GAK: variants seen among roughly 807,000 people sequenced by gnomAD.
GAK encodes the protein cyclin G associated kinase.
Under a neutral mutation model 143.9 loss-of-function variants are expected in GAK, and 79 were observed. The ratio of observed to expected loss-of-function variants is 0.55; its 90% CI spans 0.46 to 0.66. GAK has a LOEUF of 0.66. Among genes scored for constraint, GAK ranks in the 30% least tolerant of loss-of-function variants. GAK has a pLI of 0.00. For missense variants in GAK, 1,693 were observed against 1,779.7 expected (o/e 0.95, Z 0.88); for synonymous variants, 881 against 765.5 (o/e 1.15, Z -2.49).
intron 14 of GAK, among the ~76,000 whole-genome samples, chr4:882,378 C>T (rs1715315331): frequency 6.6e-6 from 1 of 152,228 alleles, no homozygotes; most frequent in African/African-American, 2.4e-5. Flanking sequence ...CACTAAGCCT[C>T]GAGCTGCAGA....
chr4:929,885 C>T (rs1725396397), intron 1 of GAK, among the ~76,000 whole-genome samples: 1 of 152,164 alleles, frequency 6.6e-6, no homozygotes, highest in South Asian at 2.1e-4. Context: ...CTGACATGAA[C>T]TGATATGGGG....
intron 24 of GAK, 24 bp downstream of exon 24, chr4:859,582 C>A (rs1474975650): frequency 2.5e-6 from 4 of 1,589,140 alleles, no homozygotes; most frequent in Non-Finnish European, 2.6e-6. Flanking sequence ...AGCTTCCACA[C>A]CCCCAAAGTG....
chr4:888,503 G>A, intron 11 of GAK: 1 of 272,454 alleles, frequency 3.7e-6, no homozygotes, highest in South Asian at 4.8e-5. Flanking sequence ...CTGGCTCAGT[G>A]AGGCGCCACC....
At position 882,761 on chromosome 4, in the gene GAK, A is replaced by C. The variant is rs1284003736; in HGVS notation, c.1463T>G (p.Ile488Ser). 6.2e-7 allele frequency: 1 copy of C among 1,612,170 alleles called. No homozygotes were observed. Among genetic ancestry groups the C allele is most frequent in the African/African-American group, 1.3e-5 (1 of 74,916 alleles). ...RAPHLHTLYN[I>S]CRNMHAWLRQ... ...CAGCCAGGCGTGCATGTTCCTGCAGATGTTGTACAGGGTGTGCAGGTGTGG... is the reference window on the plus strand; with the variant it reads ...CAGCCAGGCGTGCATGTTCCTGCAGCTGTTGTACAGGGTGTGCAGGTGTGG... Residue 488 changes from isoleucine to serine, a missense_variant, in exon 14 of 28, where the codon ATC becomes AGC. By Grantham distance (142) the Ile-to-Ser change is moderately radical. This residue lies in a region of GAK where 871 missense variants were observed against 991.0 expected (regional missense o/e 0.88). Coordinates refer to ENST00000314167, the MANE Select transcript of GAK (RefSeq NM_005255.4).
intron 5 of GAK, among the ~76,000 whole-genome samples, chr4:898,941 G>C (rs991748635): frequency 6.6e-6 from 1 of 152,156 alleles, no homozygotes; most frequent in Non-Finnish European, 1.5e-5. Context: ...ACCTTCTGGC[G>C]CAGCTCTGAT....
rs962242807 is a variant in GAK at position 932,241 on chromosome 4, C to T, written c.-54G>A. 2 of 1,471,296 alleles carry T rather than the reference C, an allele frequency of 1.4e-6. No homozygotes were observed. Among genetic ancestry groups the T allele is most frequent in the Non-Finnish European group, 9.0e-7 (1 of 1,116,826 alleles). 91.1% of individuals were successfully genotyped at this position (1,471,296 alleles called of 1,614,324 possible). On this transcript the variant is annotated 5_prime_UTR_variant, in exon 1 of 28. Coordinates refer to ENST00000314167, the MANE Select transcript of GAK (RefSeq NM_005255.4). This position sits in a 1 kb window ranked among gnomAD's most constrained non-coding sequence, Gnocchi z 4.0. ...GCCGGAGTGGTCGGGCTCGGGCTCC[C>T]GCTCCCTCGCCGTCCGGGTCAGCTC...
intron 4 of GAK, among the ~76,000 whole-genome samples, chr4:905,190 T>C (rs1443582145): frequency 1.3e-5 from 2 of 152,196 alleles, no homozygotes; most frequent in African/African-American, 2.4e-5. Context: ...ATTCTGCATC[T>C]GGGCCCTTGA....
intron 1 of GAK, among the ~76,000 whole-genome samples, chr4:924,108 C>T (rs993022835): frequency 5.5e-5 from 8 of 145,816 alleles, no homozygotes; most frequent in African/African-American, 1.8e-4. Context: ...TTGTTTGAAC[C>T]TGGGAGGTGG....
chr4:861,982 C>T (rs955573913), intron 23 of GAK, among the ~76,000 whole-genome samples: 1 of 152,244 alleles, frequency 6.6e-6, no homozygotes, highest in Non-Finnish European at 1.5e-5. Context: ...GTCTCTGCAA[C>T]GTACAAGTGC....
At chr4:865,847 C>T (rs1560302219) in intron 22 of GAK, among the ~76,000 whole-genome samples, 1 of 152,270 alleles carries the variant, frequency 6.6e-6, no homozygotes, top group Non-Finnish European at 1.5e-5. Context: ...GAGGGGCGCG[C>T]AGCCCTCTCC....
intron 4 of GAK, among the ~76,000 whole-genome samples, chr4:907,982 C>T (rs1462905928): frequency 2.6e-5 from 4 of 152,316 alleles, no homozygotes; most frequent in Middle Eastern, 3.4e-3. Flanking sequence ...CCGCTGGCCC[C>T]GGCCCTGTCC....
chr4:877,048 G>A (rs1221953315), intron 17 of GAK, 42 bp downstream of exon 17: 1 of 1,365,310 alleles, frequency 7.3e-7, no homozygotes, highest in South Asian at 1.2e-5. Flanking sequence ...CATGAGCCTA[G>A]GCGTGAGTGG....
intron 1 of GAK, among the ~76,000 whole-genome samples, chr4:921,932 G>A (rs1206644347): frequency 5.3e-5 from 8 of 152,076 alleles, no homozygotes; most frequent in African/African-American, 1.4e-4. Context: ...CCAAGCTATC[G>A]GGAAAATGCA....
In GAK at chr4:865,379, G is replaced by A. The variant is rs57393314; in HGVS notation, c.3044-135C>T. 6.4e-4 allele frequency: 689 copies of A among 1,082,930 alleles called. 3 individuals carry two copies. The African/African-American group carries it at 9.9e-3, about 16-fold the overall frequency. The allele number at this position is 1,082,930 out of a possible 1,614,324, so 67.1% of individuals were successfully genotyped here. ...CAGGCTGAGCTGAGGCTGGGCTGAC[G>A]GCCTCTCTCTTCCTGAAGGGTCCTG... is the stretch of plus-strand genomic sequence containing the variant. On this transcript the variant is annotated intron_variant, in intron 22 of 27. Coordinates refer to ENST00000314167, the MANE Select transcript of GAK (RefSeq NM_005255.4).
At position 877,692 on chromosome 4, in the gene GAK, G is replaced by A. The variant is rs140333372; in HGVS notation, c.1779C>T (p.Ser593=). ...AGACCTCGCAGAAGGGCCTGCAGCC[G>A]CTCCTCTGCTTGCTGAACAGCGGCA... The part of the protein sequence containing the change: ...TPVPLFSKQR[S]GCRPFCEVYV... The change falls in exon 16 of 28, where the codon AGC becomes AGT. Residue 593 remains serine, a synonymous_variant. Coordinates refer to ENST00000314167, the MANE Select transcript of GAK (RefSeq NM_005255.4). The A allele has an allele frequency of 2.2e-5, 36 of 1,612,902 alleles. 1 individual carries two copies. The highest frequency in any genetic ancestry group is 2.7e-5 in the African/African-American group (2 of 74,900).
At chr4:904,987 T>C (rs1290731822) in intron 4 of GAK, among the ~76,000 whole-genome samples, 16 of 152,218 alleles carry the variant, frequency 1.1e-4, no homozygotes, top group Admixed American at 1.0e-3. Flanking sequence ...CTCCTCTTCG[T>C]TTGCAACTCT....
In GAK at chr4:851,862, G is replaced by A. The variant is rs771820165; in HGVS notation, c.3396C>T (p.Pro1132=). ...SRPPAQGASW[P]PQAKPPPKAC... is the part of the protein sequence containing the mutation. ...CTTTGGGGGGCGGCTTGGCCTGAGG[G>A]GGCCATGAGGCGCCCTGGGCTGGCG... The change falls in exon 25 of 28, where the codon CCC becomes CCT. Residue 1132 remains proline (P), a synonymous_variant. Transcript: ENST00000314167. The A allele has an allele frequency of 6.2e-7, 1 of 1,608,836 alleles. No individual in the cohort carries two copies. The highest frequency in any genetic ancestry group is 2.2e-5 in the East Asian group (1 of 44,772).
At chr4:912,636 G>A (rs958607586) in intron 3 of GAK, 99 bp downstream of exon 3, 5 of 897,200 alleles carry the variant, frequency 5.6e-6, no homozygotes, top group South Asian at 4.9e-5. Flanking sequence ...GAAAGACAAC[G>A]TCACGGAGCA....
chr4:876,500 C>T (rs1203063255), intron 18 of GAK, 30 bp downstream of exon 18: 3 of 1,601,274 alleles, frequency 1.9e-6, no homozygotes, highest in Admixed American at 3.3e-5. Flanking sequence ...ACCTGTCCCT[C>T]CCCACCGAGC....
Sources: gnomAD v4.1 joint callset for allele counts (sites outside exome capture counted in the v4.1 genomes callset) on GRCh38, gnomAD v4.1.1 for gene constraint, gnomAD v4.1.1 regional missense constraint, Gnocchi (gnomAD v3.1) non-coding constraint, MANE v1.5 for transcripts, NCBI Gene and HGNC (gene_info 2026-07-23, HGNC 2026-07-21) for gene names.